CLIC5: variants seen among roughly 807,000 people sequenced by gnomAD.
The protein encoded by CLIC5 is CLIC family member 5, also known as chloride intracellular channel protein 5.
A neutral mutation model predicts 24.7 loss-of-function variants in CLIC5; 20 were observed. That is an observed-to-expected ratio of 0.81 (90% CI 0.57 to 1.18). CLIC5 has a LOEUF of 1.18. CLIC5 is among the 50% of genes most tolerant of loss of function. The probability of loss-of-function intolerance (pLI) is 0.00; values close to 1 mark genes in which losing one functional copy is unlikely to be tolerated. For missense variants in CLIC5, 341 were observed against 326.1 expected (o/e 1.05, Z -0.35); for synonymous variants, 159 against 135.6 (o/e 1.17, Z -1.20).
intron 1 of CLIC5, among the ~76,000 whole-genome samples, chr6:46,006,637 CA>C (rs1350324716): frequency 4.0e-5 from 6 of 151,832 alleles, no homozygotes; most frequent in Non-Finnish European, 8.8e-5. Flanking sequence ...GCTAACTCCT[CA>C]CGTGCCTCAT....
rs1762676375 is a variant in CLIC5 at position 46,073,452 on chromosome 6, T to C, written c.540+6251A>G. ...TAAATACGTGGACACATCCAGATGA[T>C]CAGTTGAAGAGATACAGTGTTAATG... On this transcript the variant is annotated intron_variant, in intron 1 of 5. Transcript: ENST00000185206. 3.3e-5 allele frequency among the ~76,000 whole-genome samples: 5 copies of C among 152,218 alleles called. No homozygotes were observed. The South Asian group carries it at 1.0e-3, about 32-fold the overall frequency.
intron 4 of CLIC5, among the ~76,000 whole-genome samples, chr6:45,939,777 A>T (rs2127364447): frequency 1.3e-5 from 2 of 151,458 alleles, no homozygotes; most frequent in Admixed American, 1.3e-4. Flanking sequence ...AATAGCTGGG[A>T]CTACAGGCAT....
At chr6:45,912,362 G>A in intron 5 of CLIC5, 1 of 1,055,174 alleles carries the variant, frequency 9.5e-7, no homozygotes, top group Non-Finnish European at 1.1e-6. Flanking sequence ...TCCAAGGACA[G>A]GGCTTCACTG....
chr6:45,887,672 A>T (rs1762316975), intron 6 of CLIC5, among the ~76,000 whole-genome samples: 1 of 152,234 alleles, frequency 6.6e-6, no homozygotes, highest in African/African-American at 2.4e-5. Context: ...GGAAGTTTTG[A>T]TCTATTGTCA....
chr6:46,006,337 G>A (rs1766582006), intron 1 of CLIC5, among the ~76,000 whole-genome samples: 1 of 151,188 alleles, frequency 6.6e-6, no homozygotes, highest in African/African-American at 2.4e-5. Context: ...GTAGAGACGG[G>A]GTTTCACCAT....
intron 1 of CLIC5, among the ~76,000 whole-genome samples, chr6:46,041,616 A>T (rs1188895846): frequency 6.6e-6 from 1 of 152,210 alleles, no homozygotes. Flanking sequence ...AGAGGTCATA[A>T]AAAGCCCAGT....
rs1226531255 is a variant in CLIC5, at chr6:45,903,026, G to A, written c.*62C>T. ...GCAGTGATACAGAGGAGTCTATGAA[G>A]CTGGAGTCTTAGGGGAGTGGTTGAG... On this transcript the variant is annotated 3_prime_UTR_variant, in exon 6 of 6. Transcript: ENST00000339561. 7 of 1,574,924 alleles carry A rather than the reference G, an allele frequency of 4.4e-6. No individual in the cohort carries two copies. The Admixed American group carries it at 1.2e-4, about 27-fold the overall frequency.
the CLIC5 span, among the ~76,000 whole-genome samples, chr6:46,091,658 A>G: frequency 6.6e-6 from 1 of 152,180 alleles, no homozygotes; most frequent in Non-Finnish European, 1.5e-5. Flanking sequence ...GGATTGCTTG[A>G]GCCCAGGAGG....
chr6:46,079,898 C>T, exon 1 of CLIC5: 1 of 1,552,024 alleles, frequency 6.4e-7, no homozygotes, highest in Non-Finnish European at 8.7e-7. Flanking sequence ...GTTGCTGGTC[C>T]TGGGTTGATG....
chr6:46,082,741 G>A (rs776034908), upstream of CLIC5, among the ~76,000 whole-genome samples: 1 of 152,042 alleles, frequency 6.6e-6, no homozygotes, highest in Non-Finnish European at 1.5e-5. Context: ...TGTTTAAAAT[G>A]ACAACCCATC....
chr6:46,072,864 C>G (rs530118422), intron 1 of CLIC5, among the ~76,000 whole-genome samples: 1 of 152,262 alleles, frequency 6.6e-6, no homozygotes, highest in Non-Finnish European at 1.5e-5. Context: ...TTCATGGACC[C>G]TCCTGAAATC....
At chr6:45,986,768 GA>G (rs200832401) in intron 1 of CLIC5, among the ~76,000 whole-genome samples, 75,359 of 152,136 alleles carry the variant, frequency 0.5, 19,409 homozygotes, top group East Asian at 0.77. Flanking sequence ...CCCTGGTAAG[GA>G]TACAATCTCC....
At chr6:45,930,918 C>T (rs187377639) in intron 4 of CLIC5, among the ~76,000 whole-genome samples, 4 of 152,180 alleles carry the variant, frequency 2.6e-5, no homozygotes, top group South Asian at 2.1e-4. Context: ...ATTGTAGCCA[C>T]GGACTGCCTA....
rs1762442726 is a variant in CLIC5, at chr6:45,899,023, C to G, written c.*4065G>C. On this transcript the variant is annotated 3_prime_UTR_variant, in exon 6 of 6. Transcript: ENST00000339561. ...TTCTTTAACGTTAAATGAAATTATG[C>G]ACACTTTGGATCATACATAATTATG... 1 of 152,144 alleles carries G rather than the reference C, an allele frequency of 6.6e-6. No individual in the cohort carries two copies. The highest frequency in any genetic ancestry group is 2.4e-5 in the African/African-American group (1 of 41,422). 9.4% of individuals were successfully genotyped at this position (152,144 alleles called of 1,614,324 possible). A position where few individuals can be genotyped will look rare whatever the true frequency, so the allele number is the denominator to read the frequency against.
chr6:46,025,734 C>G (rs1387264126), intron 1 of CLIC5, among the ~76,000 whole-genome samples: 1 of 152,118 alleles, frequency 6.6e-6, no homozygotes, highest in Non-Finnish European at 1.5e-5. Flanking sequence ...AATCTCATGT[C>G]GAATTGTAAT....
chr6:46,105,882 G>A, the CLIC5 span, among the ~76,000 whole-genome samples: 1 of 152,204 alleles, frequency 6.6e-6, no homozygotes, highest in Admixed American at 6.5e-5. Context: ...TGTCACTACA[G>A]GCGGCTATGT....
chr6:45,997,227 C>T (rs1370617384), intron 1 of CLIC5, among the ~76,000 whole-genome samples: 1 of 150,746 alleles, frequency 6.6e-6, no homozygotes, highest in Non-Finnish European at 1.5e-5. Flanking sequence ...AACTGGAAAT[C>T]ATCATTCTCA....
the CLIC5 span, among the ~76,000 whole-genome samples, chr6:46,109,617 T>C: frequency 6.7e-6 from 1 of 148,188 alleles, no homozygotes; most frequent in Admixed American, 6.8e-5. Flanking sequence ...TGGGAATGAA[T>C]AGAGGACTGA....
upstream of CLIC5, chr6:46,018,669 C>T (rs570308969): frequency 2.0e-5 from 3 of 152,292 alleles, no homozygotes; most frequent in East Asian, 3.9e-4. Flanking sequence ...ATGTCTAATT[C>T]CAGCCCATAG....
Sources: allele counts gnomAD v4.1 joint callset (sites outside exome capture counted in the v4.1 genomes callset), GRCh38; gene constraint gnomAD v4.1.1; transcripts MANE v1.5; gene names NCBI Gene and HGNC (gene_info 2026-07-23, HGNC 2026-07-21).